Variants in PHACTR3 observed in about 807,000 individuals in gnomAD.
PHACTR3 encodes phosphatase and actin regulator 3, also known as protein phosphatase 1, regulatory subunit 123.
PHACTR3 carries 16 observed loss-of-function variants against 66.8 expected under a neutral mutation model. The observed-to-expected ratio is 0.24, with a 90% CI of 0.16 to 0.36. PHACTR3 has a LOEUF of 0.36. Ranked by LOEUF, PHACTR3 falls within the 10% of genes least tolerant of loss-of-function variation. The probability of loss-of-function intolerance (pLI) is 1.00; values close to 1 mark genes in which losing one functional copy is unlikely to be tolerated. For synonymous variants in PHACTR3, 323 were observed against 292.1 expected (o/e 1.11, Z -1.08); for missense variants, 647 against 719.9 (o/e 0.90, Z 1.16).
chr20:59,735,944 A>G (rs1047367185), intron 1 of PHACTR3, among the ~76,000 whole-genome samples: 6 of 152,168 alleles, frequency 3.9e-5, no homozygotes, highest in African/African-American at 1.4e-4. Flanking sequence ...CGTCAGTCCT[A>G]GAACAGTTCT....
At chr20:59,606,307 C>CA (rs368025731) in intron 1 of PHACTR3, among the ~76,000 whole-genome samples, 1 of 151,978 alleles carries the variant, frequency 6.6e-6, no homozygotes, top group Admixed American at 6.6e-5. Context: ...GATCCCTCCC[C>CA]CCCCCATTTG....
intron 1 of PHACTR3, among the ~76,000 whole-genome samples, chr20:59,731,906 A>G (rs1432109111): frequency 6.6e-6 from 1 of 152,168 alleles, no homozygotes; most frequent in African/African-American, 2.4e-5. Flanking sequence ...CCAAAAATAA[A>G]TTATTAACAC....
chr20:59,747,724 C>T (rs915552819), intron 2 of PHACTR3, 34 bp from the exon 3 acceptor site: 5 of 1,608,302 alleles, frequency 3.1e-6, no homozygotes, highest in Non-Finnish European at 4.3e-6. Flanking sequence ...ACACCTTTGC[C>T]TGAGACTCAC....
At chr20:59,670,248 A>G (rs1568692313) in intron 1 of PHACTR3, among the ~76,000 whole-genome samples, 1 of 152,180 alleles carries the variant, frequency 6.6e-6, no homozygotes, top group Non-Finnish European at 1.5e-5. Flanking sequence ...AGAAGGAGTG[A>G]TGGGTGCTGT....
intron 1 of PHACTR3, among the ~76,000 whole-genome samples, chr20:59,729,174 A>G (rs767222588): frequency 2.2e-4 from 33 of 152,022 alleles, no homozygotes; most frequent in Admixed American, 5.2e-4. Flanking sequence ...TCAGGGGTGT[A>G]TGCCATGTGA....
intron 8 of PHACTR3, among the ~76,000 whole-genome samples, chr20:59,833,384 T>C (rs2042442400): frequency 2.0e-5 from 3 of 152,242 alleles, no homozygotes; most frequent in Admixed American, 2.0e-4. Context: ...TCTGGGAACA[T>C]GGTCCGCGAT....
chr20:59,838,130 T>C (rs1464653497), intron 9 of PHACTR3, among the ~76,000 whole-genome samples: 2 of 152,162 alleles, frequency 1.3e-5, no homozygotes, highest in Non-Finnish European at 2.9e-5. Flanking sequence ...CATCAGTGAA[T>C]GTAGGTTTGT....
intron 1 of PHACTR3, among the ~76,000 whole-genome samples, chr20:59,588,280 T>C (rs919805187): frequency 1.4e-4 from 22 of 152,188 alleles, no homozygotes; most frequent in Admixed American, 6.5e-5. Flanking sequence ...AGGGTGCTTT[T>C]GATAAAAAGA....
chr20:59,801,044 C>T (rs2041397932), intron 7 of PHACTR3, among the ~76,000 whole-genome samples: 2 of 152,180 alleles, frequency 1.3e-5, no homozygotes, highest in African/African-American at 2.4e-5. Context: ...GGATTCTTTC[C>T]TCAGAGTCAC....
chr20:59,773,235 G>A, intron 5 of PHACTR3, 44 bp from the exon 6 acceptor site: 1 of 1,580,448 alleles, frequency 6.3e-7, no homozygotes, highest in Non-Finnish European at 8.6e-7. Flanking sequence ...CTTGGTCCCA[G>A]CTCCTGAAGA....
At chr20:59,682,723 G>C (rs536411637) in intron 1 of PHACTR3, among the ~76,000 whole-genome samples, 20 of 152,232 alleles carry the variant, frequency 1.3e-4, no homozygotes, top group Non-Finnish European at 2.8e-4. Flanking sequence ...TCTGAGGCAA[G>C]AGCCTTTGGG....
At chr20:59,666,114 C>T (rs560995650) in intron 1 of PHACTR3, among the ~76,000 whole-genome samples, 95 of 152,246 alleles carry the variant, frequency 6.2e-4, no homozygotes, top group African/African-American at 2.2e-3. Flanking sequence ...GGAGGCATGG[C>T]GGCCTGAGCT....
intron 8 of PHACTR3, among the ~76,000 whole-genome samples, chr20:59,826,748 A>AG (rs2042202732): frequency 1.3e-5 from 2 of 152,010 alleles, no homozygotes; most frequent in Non-Finnish European, 2.9e-5. Context: ...CCTTCCCTGC[A>AG]GGGTGCGTCT....
rs545906104 is a variant in PHACTR3 at position 59,629,688 on chromosome 20, C to T, written c.118+24556C>T. On this transcript the variant is annotated intron_variant, in intron 1 of 12. Transcript: ENST00000371015. Reference sequence around the variant, plus strand: ...TTCTGCTCCTTATCAGACAATGGAGCGGAATAAACACGGTTGCCTCTCTGG... The same window carrying T: ...TTCTGCTCCTTATCAGACAATGGAGTGGAATAAACACGGTTGCCTCTCTGG... Among the ~76,000 whole-genome samples, 15 of 152,302 alleles carry T rather than the reference C, an allele frequency of 9.8e-5. No individual in the cohort carries two copies. In the South Asian group the frequency reaches 2.7e-3, roughly 27 times the overall value.
intron 1 of PHACTR3, among the ~76,000 whole-genome samples, chr20:59,704,792 G>A (rs1475519423): frequency 1.3e-5 from 2 of 151,392 alleles, no homozygotes; most frequent in Admixed American, 6.6e-5. Context: ...ATTCTATTAT[G>A]TGTATGCTAC....
intron 1 of PHACTR3, among the ~76,000 whole-genome samples, chr20:59,665,956 G>A (rs755614254): frequency 1.1e-4 from 16 of 152,180 alleles, no homozygotes; most frequent in Non-Finnish European, 1.5e-4. Flanking sequence ...AGATGGCTAA[G>A]GAGACTGAAG....
At chr20:59,627,845 TTATC>T (rs1432985304) in intron 1 of PHACTR3, among the ~76,000 whole-genome samples, 6 of 152,228 alleles carry the variant, frequency 3.9e-5, no homozygotes, top group African/African-American at 1.2e-4. Flanking sequence ...CATCAATCAT[TTATC>T]TATTTTTATT....
At chr20:59,763,543 C>T (rs2040075207) in intron 4 of PHACTR3, among the ~76,000 whole-genome samples, 1 of 152,144 alleles carries the variant, frequency 6.6e-6, no homozygotes, top group Admixed American at 6.5e-5. Flanking sequence ...GACCAAGATT[C>T]AAGTTTGGAT....
intron 8 of PHACTR3, among the ~76,000 whole-genome samples, chr20:59,831,540 C>T (rs771760536): frequency 1.3e-5 from 2 of 152,190 alleles, no homozygotes; most frequent in Non-Finnish European, 2.9e-5. Flanking sequence ...TCACCAGCAG[C>T]CCCATTTCTG....
Sources: gnomAD v4.1 joint callset for allele counts (sites outside exome capture counted in the v4.1 genomes callset) on GRCh38, gnomAD v4.1.1 for gene constraint, MANE v1.5 for transcripts, NCBI Gene and HGNC (gene_info 2026-07-23, HGNC 2026-07-21) for gene names.